HACD1: variants seen among roughly 807,000 people sequenced by gnomAD.
The protein encoded by HACD1 is 3-hydroxyacyl-CoA dehydratase 1, also known as very-long-chain (3R)-3-hydroxyacyl-CoA dehydratase 1.
In HACD1, 41 loss-of-function variants were observed where a neutral mutation model predicts 32.0. That is an observed-to-expected ratio of 1.28 (90% CI 1.00 to 1.66). HACD1 has a LOEUF of 1.66. HACD1 is among the 40% of genes most tolerant of loss of function. HACD1 has a pLI of 0.00. For missense variants in HACD1, 396 were observed against 380.1 expected, an observed-to-expected ratio of 1.04 and a Z score of -0.35; for synonymous variants, 142 against 139.0, an observed-to-expected ratio of 1.02 and a Z score of -0.15.
intron 6 of HACD1, among the ~76,000 whole-genome samples, chr10:17,592,994 G>C (rs893114528): frequency 6.0e-4 from 92 of 152,172 alleles, no homozygotes; most frequent in African/African-American, 2.1e-3. Context: ...TTGAGGTCAG[G>C]AGTTTGAGAC....
In HACD1 at chr10:17,608,799, T is replaced by C. The variant is rs140285170; in HGVS notation, c.258-4752A>G. On this transcript the variant is annotated intron_variant, in intron 1 of 6. Coordinates refer to ENST00000361271, the MANE Select transcript of HACD1 (RefSeq NM_014241.4). The stretch of plus-strand genomic sequence containing the variant: ...GCCACGTCTGGCCCATACTTTCATA[T>C]ATTGTTCATTGACACCTCTAAACTG... Among the ~76,000 whole-genome samples the C allele has an allele frequency of 2.7e-3, 410 of 152,288 alleles. 1 individual carries two copies. The highest frequency in any genetic ancestry group is 9.3e-3 in the African/African-American group (388 of 41,576).
At chr10:17,609,866 C>T (rs4748391) in intron 1 of HACD1, among the ~76,000 whole-genome samples, 14,276 of 151,694 alleles carry the variant, frequency 0.094, 842 homozygotes, top group East Asian at 0.17. Flanking sequence ...CGCCTGGAGT[C>T]CCAGCCACAC....
chr10:17,606,222 C>T (rs193177792), intron 1 of HACD1, among the ~76,000 whole-genome samples: 16 of 152,154 alleles, frequency 1.1e-4, no homozygotes, highest in African/African-American at 3.6e-4. Context: ...TACTATATGC[C>T]CTCGCTTTTA....
chr10:17,597,835 G>T (rs1178525024), intron 5 of HACD1, among the ~76,000 whole-genome samples: 3 of 152,006 alleles, frequency 2.0e-5, no homozygotes, highest in African/African-American at 7.3e-5. Context: ...CCATATAAAT[G>T]GTAGTACAAC....
chr10:17,616,352 T>A (rs78474362), intron 1 of HACD1, among the ~76,000 whole-genome samples: 284 of 152,300 alleles, frequency 1.9e-3, no homozygotes, highest in African/African-American at 6.6e-3. Context: ...CGAGTGATAA[T>A]GGGAAAATAA....
chr10:17,591,092 T>A lies in HACD1; in HGVS notation c.785-646A>T, dbSNP rs1479605416. On this transcript the variant is annotated intron_variant, in intron 6 of 6. Transcript: ENST00000361271. ...TCTTTGGAATGCTGCGCCAGAACAT[T>A]CCAGCACAGGGAAAACTGGCCCCAC... Among the ~76,000 whole-genome samples, 3 of 152,180 alleles carry A rather than the reference T, an allele frequency of 2.0e-5. No homozygotes were observed. In the East Asian group the frequency reaches 5.8e-4, roughly 29 times the overall value.
chr10:17,608,297 G>A (rs965578871), intron 1 of HACD1, among the ~76,000 whole-genome samples: 45 of 151,960 alleles, frequency 3.0e-4, no homozygotes, highest in African/African-American at 1.1e-3. Context: ...CAAAGTAATG[G>A]GATTACCGGT....
At chr10:17,613,384 T>C in intron 1 of HACD1, among the ~76,000 whole-genome samples, 1 of 152,164 alleles carries the variant, frequency 6.6e-6, no homozygotes, top group East Asian at 1.9e-4. Context: ...GTCCACCCTA[T>C]AAAACGTGTA....
At chr10:17,606,974 G>A (rs557458503) in intron 1 of HACD1, among the ~76,000 whole-genome samples, 4 of 152,064 alleles carry the variant, frequency 2.6e-5, no homozygotes, top group East Asian at 1.9e-4. Context: ...CACTAAGCTC[G>A]GAGTATATGC....
intron 1 of HACD1, among the ~76,000 whole-genome samples, chr10:17,615,071 A>G (rs1199148917): frequency 2.5e-4 from 38 of 152,216 alleles, no homozygotes; most frequent in Non-Finnish European, 2.9e-5. Flanking sequence ...TTTATTAACC[A>G]GACTATCACA....
At chr10:17,598,681 TATA>T (rs1554816209) in intron 5 of HACD1, among the ~76,000 whole-genome samples, 3 of 152,232 alleles carry the variant, frequency 2.0e-5, no homozygotes, top group Non-Finnish European at 4.4e-5. Context: ...GTTTTGCTTT[TATA>T]ATAACTTTCT....
intron 1 of HACD1, among the ~76,000 whole-genome samples, chr10:17,614,489 C>T (rs746303676): frequency 1.5e-5 from 2 of 132,446 alleles, no homozygotes; most frequent in East Asian, 2.7e-4. Flanking sequence ...GCGATCCACC[C>T]GCCTCAGCCT....
chr10:17,603,782 A>C (rs782627032), intron 2 of HACD1, 38 bp from the exon 3 acceptor site: 7 of 1,570,312 alleles, frequency 4.5e-6, no homozygotes, highest in Admixed American at 1.7e-5. Context: ...CGTCAATAAT[A>C]GAAAACATTA....
intron 1 of HACD1, chr10:17,615,673 A>C (rs1210008994): frequency 2.1e-5 from 4 of 190,828 alleles, no homozygotes; most frequent in African/African-American, 9.6e-5. Context: ...AAAAAATTAA[A>C]ATAAAATATT....
chr10:17,604,159 G>C (rs568201647), intron 1 of HACD1, 112 bp from the exon 2 acceptor site: 8 of 729,468 alleles, frequency 1.1e-5, no homozygotes, highest in Admixed American at 5.4e-5. Context: ...AGCAACCCAG[G>C]TGTCCATAAG....
chr10:17,608,826 C>T (rs1156766679), intron 1 of HACD1, among the ~76,000 whole-genome samples: 1 of 152,228 alleles, frequency 6.6e-6, no homozygotes, highest in East Asian at 1.9e-4. Context: ...TCTAAACTGC[C>T]TTTTCTAGAT....
At chr10:17,593,456 C>T (rs1197819679) in intron 6 of HACD1, among the ~76,000 whole-genome samples, 1 of 152,110 alleles carries the variant, frequency 6.6e-6, no homozygotes, top group Non-Finnish European at 1.5e-5. Context: ...GCTGAGATTA[C>T]AGGCATGCGC....
At chr10:17,610,621 A>G (rs1394546010) in intron 1 of HACD1, among the ~76,000 whole-genome samples, 1 of 151,310 alleles carries the variant, frequency 6.6e-6, no homozygotes, top group African/African-American at 2.4e-5. Flanking sequence ...CTCCAGAGCC[A>G]GACTCTGTCT....
intron 5 of HACD1, chr10:17,599,075 TTCACTCAA>T (rs1834032871): frequency 1.1e-6 from 1 of 917,016 alleles, no homozygotes; most frequent in Non-Finnish European, 1.4e-6. Context: ...TCACATTGAT[TTCACTCAA>T]AATATTTATT....
Sources: allele counts gnomAD v4.1 joint callset (sites outside exome capture counted in the v4.1 genomes callset), GRCh38; gene constraint gnomAD v4.1.1; transcripts MANE v1.5; gene names NCBI Gene and HGNC (gene_info 2026-07-23, HGNC 2026-07-21).